The following PDIA6 variants were observed in gnomAD, a reference collection of about 807,000 sequenced individuals.
PDIA6 encodes protein disulfide isomerase family A member 6, also known as protein disulfide-isomerase A6.
PDIA6 carries 29 observed loss-of-function variants against 58.4 expected under a neutral mutation model. That is an observed-to-expected ratio of 0.50 (90% CI 0.37 to 0.68). The LOEUF is 0.68. PDIA6 is among the 30% of genes least tolerant of loss of function. The pLI is 0.00. For synonymous variants in PDIA6, 192 were observed against 202.6 expected, an observed-to-expected ratio of 0.95 and a Z score of 0.44; for missense variants, 480 against 551.0, an observed-to-expected ratio of 0.87 and a Z score of 1.29.
At chr2:10,796,971 C>T in intron 4 of PDIA6, 110 bp downstream of exon 4, 1 of 847,926 alleles carries the variant, frequency 1.2e-6, no homozygotes, top group Non-Finnish European at 2.0e-6. Context: ...ATAGATAATT[C>T]AGGTACAATG....
intron 1 of PDIA6, among the ~76,000 whole-genome samples, chr2:10,803,131 T>C (rs905565822): frequency 6.6e-6 from 1 of 152,222 alleles, no homozygotes; most frequent in African/African-American, 2.4e-5. Context: ...TCCACTAGAT[T>C]GTGACTCTTT....
At chr2:10,812,899 T>C, upstream of PDIA6, 2 of 1,100,216 alleles carry the variant, frequency 1.8e-6, no homozygotes, top group African/African-American at 1.6e-5. Flanking sequence ...CACTCACATA[T>C]CCAATGGGAG....
chr2:10,807,564 T>A (rs1353704721), intron 1 of PDIA6, among the ~76,000 whole-genome samples: 2 of 152,224 alleles, frequency 1.3e-5, no homozygotes, highest in South Asian at 4.1e-4. Flanking sequence ...GATCATATCA[T>A]TTCTTCCTTT....
chr2:10,806,230 T>C (rs1234243149), intron 1 of PDIA6, among the ~76,000 whole-genome samples: 2 of 151,140 alleles, frequency 1.3e-5, no homozygotes, highest in Non-Finnish European at 2.9e-5. Context: ...TAGCCAGGCA[T>C]GGTGGTGCAT....
intron 1 of PDIA6, among the ~76,000 whole-genome samples, chr2:10,805,148 G>A (rs1466266991): frequency 1.8e-4 from 27 of 148,046 alleles, no homozygotes; most frequent in Admixed American, 1.0e-3. Context: ...GAAAATTTTC[G>A]CAACCTACTC....
At chr2:10,797,055 A>C in intron 4 of PDIA6, 26 bp downstream of exon 4, 2 of 1,607,904 alleles carry the variant, frequency 1.2e-6, no homozygotes, top group Non-Finnish European at 1.7e-6. Flanking sequence ...TACCAGGGGA[A>C]TGAAGTAGCT....
chr2:10,827,998 G>T (rs1667596784), intron 1 of PDIA6, among the ~76,000 whole-genome samples: 1 of 150,508 alleles, frequency 6.6e-6, no homozygotes, highest in African/African-American at 2.4e-5. Context: ...GGGGGACAGT[G>T]AATTCCCCAT....
chr2:10,806,078 A>G (rs1425846001), intron 1 of PDIA6, among the ~76,000 whole-genome samples: 1 of 151,134 alleles, frequency 6.6e-6, no homozygotes, highest in East Asian at 1.9e-4. Context: ...GATATAAAAG[A>G]AAATACTGGC....
chr2:10,806,649 A>AC (rs1283823871), intron 1 of PDIA6, among the ~76,000 whole-genome samples: 1 of 134,184 alleles, frequency 7.5e-6, no homozygotes, highest in Non-Finnish European at 1.7e-5. Flanking sequence ...AAAGAAAGAA[A>AC]AACGTTACAG....
At chr2:10,820,767 T>C (rs1667360181) in intron 1 of PDIA6, 1 of 703,020 alleles carries the variant, frequency 1.4e-6, no homozygotes, top group Non-Finnish European at 2.6e-6. Flanking sequence ...GCCAGTTCAC[T>C]CACATGGCTG....
At chr2:10,810,128 G>A in intron 1 of PDIA6, 1 of 662,060 alleles carries the variant, frequency 1.5e-6, no homozygotes, top group Non-Finnish European at 2.7e-6. Flanking sequence ...TCTGTATCAG[G>A]CATTTTTCTA....
Position 10,790,167 on chromosome 2 carries a change from C to T in PDIA6, c.700-278G>A, listed in dbSNP as rs150576659. Among the ~76,000 whole-genome samples the T allele has an allele frequency of 3.5e-3, 530 of 152,112 alleles. 4 individuals carry two copies. Among genetic ancestry groups the T allele is most frequent in the African/African-American group, 0.012 (502 of 41,492 alleles). ...CTAATATTTGTATTTTTAATAGAGA[C>T]GGGGTTTCACCATGTTGGCCAGGCT... On this transcript the variant is annotated intron_variant, in intron 7 of 12. Transcript: ENST00000272227.
At chr2:10,794,468 C>CTT (rs76574229) in intron 4 of PDIA6, among the ~76,000 whole-genome samples, 1,738 of 128,552 alleles carry the variant, frequency 0.014, 68 homozygotes, top group African/African-American at 0.051. Context: ...AAAAATCTTT[C>CTT]TTTTTTTTTT....
chr2:10,785,511 T>C (rs1469705050), intron 11 of PDIA6, among the ~76,000 whole-genome samples: 1 of 152,136 alleles, frequency 6.6e-6, no homozygotes, highest in Non-Finnish European at 1.5e-5. Flanking sequence ...AATCTGGCTG[T>C]TGGGAAACCA....
In PDIA6 at chr2:10,807,529, C is replaced by T. The variant is rs1171125409; in HGVS notation, c.20-4889G>A. Among the ~76,000 whole-genome samples the T allele has an allele frequency of 2.0e-5, 3 of 152,210 alleles. No individual in the cohort carries two copies. The East Asian group carries it at 5.8e-4, about 29-fold the overall frequency. ...ATGTTAACGAAATTTCTATCTATTC[C>T]TGTCTTTTCAGCATCTCTGAAGTTG... is the stretch of plus-strand genomic sequence containing the variant. On this transcript the variant is annotated intron_variant, in intron 1 of 12. Coordinates refer to ENST00000272227, the MANE Select transcript of PDIA6 (RefSeq NM_005742.4).
intron 1 of PDIA6, chr2:10,810,537 A>C: frequency 9.1e-6 from 9 of 989,182 alleles, no homozygotes; most frequent in Non-Finnish European, 1.2e-5. Flanking sequence ...TTTTTCTAGT[A>C]ATGGTGAGGG....
intron 2 of PDIA6, among the ~76,000 whole-genome samples, chr2:10,798,056 CACGCTTGTAATCCTAGCT>C (rs1666345530): frequency 6.6e-6 from 1 of 151,946 alleles, no homozygotes; most frequent in Non-Finnish European, 1.5e-5. Flanking sequence ...CGTGGTGGTG[CACGCTTGTAATCCTAGCT>C]ACTGGGGAGG....
intron 12 of PDIA6, 53 bp downstream of exon 12, chr2:10,784,881 C>G: frequency 7.6e-7 from 1 of 1,307,664 alleles, no homozygotes; most frequent in South Asian, 1.3e-5. Context: ...TGCACAGGCT[C>G]AAGAGAGTAA....
upstream of PDIA6, among the ~76,000 whole-genome samples, chr2:10,834,732 C>CTCCTTCCT (rs869156704): frequency 0.02 from 719 of 36,382 alleles, 28 homozygotes; most frequent in East Asian, 0.15. Flanking sequence ...CCTTCCTTCC[C>CTCCTTCCT]TCCTTCCTTC....
Sources: allele counts gnomAD v4.1 joint callset (sites outside exome capture counted in the v4.1 genomes callset), GRCh38; gene constraint gnomAD v4.1.1; transcripts MANE v1.5; gene names NCBI Gene and HGNC (gene_info 2026-07-23, HGNC 2026-07-21).